Variants in URGCP observed in about 807,000 individuals in gnomAD.
URGCP encodes the protein up-regulator of cell proliferation.
Under a neutral mutation model 24.6 loss-of-function variants are expected in URGCP, and 13 were observed. The observed-to-expected ratio is 0.53, with a 90% CI of 0.34 to 0.84. The LOEUF (loss-of-function observed/expected upper bound fraction) is 0.84. Ranked by LOEUF, URGCP falls within the 40% of genes least tolerant of loss-of-function variation. The pLI, the probability that URGCP is intolerant of heterozygous loss-of-function variation, is 0.01. For missense variants in URGCP, 899 were observed against 1,194.3 expected (o/e 0.75, Z 3.64); for synonymous variants, 444 against 487.2 (o/e 0.91, Z 1.17).
At chr7:43,886,621 C>T (rs1380480224) in intron 3 of URGCP, among the ~76,000 whole-genome samples, 2 of 152,136 alleles carry the variant, frequency 1.3e-5, no homozygotes, top group Admixed American at 6.5e-5. Flanking sequence ...TGCATGGTGG[C>T]GCATGCCTGT....
At chr7:43,891,786 TG>T (rs1470756681) in intron 1 of URGCP, among the ~76,000 whole-genome samples, 1 of 152,112 alleles carries the variant, frequency 6.6e-6, no homozygotes, top group Non-Finnish European at 1.5e-5. Context: ...GGCTACTTTT[TG>T]TATTTTTTTC....
chr7:43,887,745 A>C (rs2095864222), intron 2 of URGCP, 45 bp downstream of exon 2: 1 of 1,546,252 alleles, frequency 6.5e-7, no homozygotes, highest in South Asian at 1.2e-5. Flanking sequence ...ACTGCTGGCC[A>C]GAGCACAAAT....
Position 43,877,570 on chromosome 7 carries a change from C to T in URGCP, c.1893G>A (p.Val631=). ...GGCCTGCCGGCAGCCTCCCTGCCTC[C>T]ACAAGACAGCTCTCAGCCTCATAAA... is the stretch of plus-strand genomic sequence containing the variant. The part of the protein sequence containing the change: ...GQFYEAESCL[V]EAGRLPAGQR... The change falls in exon 6 of 6, where the codon GTG becomes GTA. Residue 631 remains valine, a synonymous_variant. Transcript: ENST00000453200. 1 of 1,614,104 alleles carries T rather than the reference C, an allele frequency of 6.2e-7. No individual in the cohort carries two copies.
intron 1 of URGCP, among the ~76,000 whole-genome samples, chr7:43,897,767 AAAC>A (rs1028957995): frequency 6.6e-6 from 1 of 152,116 alleles, no homozygotes; most frequent in Non-Finnish European, 1.5e-5. Context: ...ATATTCAGGA[AAAC>A]AACAACAAAG....
chr7:43,900,483 A>G lies in URGCP; in HGVS notation c.14+6079T>C, dbSNP rs1368326545. Among the ~76,000 whole-genome samples the G allele has an allele frequency of 2.7e-5, 4 of 149,228 alleles. No individual in the cohort carries two copies. In the East Asian group the frequency reaches 5.9e-4, roughly 22 times the overall value. ...AAAAACCAAAACAAAAAAAAAAAAA[A>G]AAAGAAAAAGAAAAAAAGTCACAAT... On this transcript the variant is annotated intron_variant, in intron 1 of 5. Coordinates refer to ENST00000453200, the MANE Select transcript of URGCP (RefSeq NM_001077663.3).
intron 1 of URGCP, among the ~76,000 whole-genome samples, chr7:43,890,426 C>T (rs1328481048): frequency 6.6e-6 from 1 of 151,100 alleles, no homozygotes; most frequent in Non-Finnish European, 1.5e-5. Context: ...CCATGTTAGC[C>T]AGGATGGTCT....
intron 1 of URGCP, among the ~76,000 whole-genome samples, chr7:43,898,791 T>A (rs7780483): frequency 0.053 from 3,781 of 70,748 alleles, 121 homozygotes; most frequent in South Asian, 0.2. Flanking sequence ...ATAAATAAAT[T>A]TATTTTAATT....
intron 1 of URGCP, among the ~76,000 whole-genome samples, chr7:43,892,025 C>T (rs2095871526): frequency 6.6e-6 from 1 of 152,108 alleles, no homozygotes. Context: ...CATGATCAGG[C>T]CTGCCTTGGC....
chr7:43,895,747 G>T, intron 1 of URGCP, among the ~76,000 whole-genome samples: 1 of 152,338 alleles, frequency 6.6e-6, no homozygotes, highest in East Asian at 1.9e-4. Flanking sequence ...CTGTGGGAAT[G>T]TAAGTTAGTA....
chr7:43,909,083 G>T (rs2095907259), upstream of URGCP, among the ~76,000 whole-genome samples: 1 of 152,062 alleles, frequency 6.6e-6, no homozygotes, highest in South Asian at 2.1e-4. Context: ...AAACATCAAT[G>T]ATTATTTCCT....
upstream of URGCP, chr7:43,910,751 G>A (rs2095909238): frequency 6.6e-6 from 1 of 152,100 alleles, no homozygotes; most frequent in Non-Finnish European, 1.5e-5. Context: ...AGCTACTCAG[G>A]AGGCTGAGAT....
In URGCP at chr7:43,876,652, G is replaced by C; in HGVS notation, c.*15C>G. The C allele has an allele frequency of 1.2e-6, 2 of 1,609,630 alleles. No homozygotes were observed. On this transcript the variant is annotated 3_prime_UTR_variant, in exon 6 of 6. Coordinates refer to ENST00000453200, the MANE Select transcript of URGCP (RefSeq NM_001077663.3). Reference sequence around the variant, plus strand: ...ACAGCAGCCTCCTACACCTGAACTGGGTTTCTCTGCACACTCACAGCCGTC... The same window carrying C: ...ACAGCAGCCTCCTACACCTGAACTGCGTTTCTCTGCACACTCACAGCCGTC...
At chr7:43,905,602 C>T (rs1001849978) in intron 1 of URGCP, 1 of 152,196 alleles carries the variant, frequency 6.6e-6, no homozygotes, top group Non-Finnish European at 1.5e-5. Context: ...CCTCCCCACC[C>T]CTACCACTGA....
At chr7:43,887,877 G>A (rs1436633536) in intron 1 of URGCP, 61 bp from the exon 2 acceptor site, 35 of 1,100,156 alleles carry the variant, frequency 3.2e-5, no homozygotes, top group South Asian at 1.6e-4. Flanking sequence ...ATATAATAGC[G>A]AAAAACTGAT....
upstream of URGCP, chr7:43,926,487 C>T (rs754916115): frequency 6.9e-7 from 1 of 1,459,682 alleles, no homozygotes; most frequent in South Asian, 1.3e-5. Flanking sequence ...CGGGCCGCCT[C>T]AGGCAGCCCC....
At chr7:43,879,349 T>C in intron 5 of URGCP, 89 bp from the exon 6 acceptor site, 3 of 1,456,980 alleles carry the variant, frequency 2.1e-6, no homozygotes, top group Admixed American at 2.2e-5. Context: ...CCCAGCAGGA[T>C]GGGGAGAGTG....
chr7:43,899,943 T>A (rs796613398), intron 1 of URGCP, among the ~76,000 whole-genome samples: 3 of 152,264 alleles, frequency 2.0e-5, no homozygotes, highest in African/African-American at 7.2e-5. Flanking sequence ...AAGAACAACC[T>A]GGGCAACATA....
chr7:43,907,571 C>T (rs888367169), upstream of URGCP, among the ~76,000 whole-genome samples: 6 of 149,306 alleles, frequency 4.0e-5, no homozygotes, highest in African/African-American at 1.2e-4. Flanking sequence ...GAATACAAGA[C>T]AGCAAAGCAG....
chr7:43,904,808 A>T (rs1477153178), intron 1 of URGCP, among the ~76,000 whole-genome samples: 2 of 152,222 alleles, frequency 1.3e-5, no homozygotes, highest in Non-Finnish European at 2.9e-5. Flanking sequence ...CACCTAGGCA[A>T]TATGGTACAG....
Sources: gnomAD v4.1 joint callset for allele counts (sites outside exome capture counted in the v4.1 genomes callset) on GRCh38, gnomAD v4.1.1 for gene constraint, MANE v1.5 for transcripts, NCBI Gene and HGNC (gene_info 2026-07-23, HGNC 2026-07-21) for gene names.